The following MTNAP1 variants were observed in gnomAD, a reference collection of about 807,000 sequenced individuals.
MTNAP1 encodes mitochondrial nucleoid associated protein 1.
At chr17:73,248,730 G>C in the MTNAP1 span, 3 of 626,468 alleles carry the variant, frequency 4.8e-6, no homozygotes, top group Non-Finnish European at 8.6e-6. Context: ...TAACTCACAC[G>C]TGGTCTGTGT....
At chr17:73,248,737 G>T in the MTNAP1 span, 2 of 558,192 alleles carry the variant, frequency 3.6e-6, no homozygotes, top group African/African-American at 3.8e-5. Context: ...CACGTGGTCT[G>T]TGTAAGTGGA....
chr17:73,247,318 C>T, the MTNAP1 span: 6 of 1,614,032 alleles, frequency 3.7e-6, no homozygotes, highest in Middle Eastern at 1.6e-4. Flanking sequence ...TGGGGATTGC[C>T]GCTCTAAAAC....
At chr17:73,245,233 C>T in the MTNAP1 span, 4 of 1,611,138 alleles carry the variant, frequency 2.5e-6, no homozygotes, top group South Asian at 1.1e-5. Context: ...CAGCAAAGGG[C>T]GTACAGTGGA....
chr17:73,242,552 T>C, the MTNAP1 span, among the ~76,000 whole-genome samples: 4 of 152,220 alleles, frequency 2.6e-5, no homozygotes, highest in Non-Finnish European at 4.4e-5. Context: ...AGCTACCATT[T>C]ATTCAACAGC....
chr17:73,235,307 G>C, the MTNAP1 span, among the ~76,000 whole-genome samples: 1 of 151,976 alleles, frequency 6.6e-6, no homozygotes, highest in Admixed American at 6.6e-5. Context: ...CGTGTTTAAG[G>C]GTTTTTAAAC....
chr17:73,243,047 C>A, the MTNAP1 span: 4 of 1,402,956 alleles, frequency 2.9e-6, no homozygotes, highest in African/African-American at 1.5e-5. Flanking sequence ...GGTCCCATTC[C>A]GTTATGTGGA....
At chr17:73,247,438 T>A in the MTNAP1 span, 2 of 1,235,794 alleles carry the variant, frequency 1.6e-6, no homozygotes, top group Non-Finnish European at 2.4e-6. Flanking sequence ...CTAAGTGTAG[T>A]GGTAGCATTA....
At chr17:73,245,452 G>A in the MTNAP1 span, 2 of 1,151,604 alleles carry the variant, frequency 1.7e-6, no homozygotes, top group Non-Finnish European at 2.1e-6. Flanking sequence ...AACTAGTTTT[G>A]TTTAACCATA....
chr17:73,243,099 T>C, the MTNAP1 span: 1 of 877,448 alleles, frequency 1.1e-6, no homozygotes, highest in Non-Finnish European at 1.8e-6. Context: ...TTTTTTTTTT[T>C]TTACAGCTTT....
At chr17:73,247,348 C>A in the MTNAP1 span, 3 of 1,614,006 alleles carry the variant, frequency 1.9e-6, no homozygotes, top group Admixed American at 1.7e-5. Flanking sequence ...TTAGGAAGCA[C>A]GTTTAAGTAG....
the MTNAP1 span, among the ~76,000 whole-genome samples, chr17:73,239,977 G>T: frequency 6.6e-6 from 1 of 152,212 alleles, no homozygotes; most frequent in Non-Finnish European, 1.5e-5. Flanking sequence ...GAACCTGGAG[G>T]TATTAACTAC....
At chr17:73,236,911 G>T in the MTNAP1 span, 1 of 1,613,880 alleles carries the variant, frequency 6.2e-7, no homozygotes, top group Non-Finnish European at 8.5e-7. Context: ...TGGACTAGGG[G>T]TGTTGCCAGG....
the MTNAP1 span, chr17:73,248,200 G>A: frequency 5.1e-6 from 2 of 392,592 alleles, no homozygotes; most frequent in Non-Finnish European, 4.7e-6. Context: ...TTCCAATCAT[G>A]TATGTGATCA....
chr17:73,244,016 G>A, the MTNAP1 span, among the ~76,000 whole-genome samples: 19 of 152,184 alleles, frequency 1.2e-4, no homozygotes, highest in East Asian at 1.9e-4. Flanking sequence ...ATGTGTCTAA[G>A]TCTTATTGCT....
At chr17:73,238,933 G>T in the MTNAP1 span, among the ~76,000 whole-genome samples, 2 of 151,680 alleles carry the variant, frequency 1.3e-5, no homozygotes, top group African/African-American at 4.9e-5. Context: ...GTGTGTGTGT[G>T]TGTTTTGTTT....
At chr17:73,243,881 T>G in the MTNAP1 span, among the ~76,000 whole-genome samples, 1 of 152,150 alleles carries the variant, frequency 6.6e-6, no homozygotes, top group Non-Finnish European at 1.5e-5. Context: ...ACCTAAGAAC[T>G]GTTACCCTGC....
the MTNAP1 span, chr17:73,242,383 TGCAGG>T: frequency 6.9e-7 from 1 of 1,450,656 alleles, no homozygotes; most frequent in Non-Finnish European, 9.4e-7. Context: ...TGTCTTCTGT[TGCAGG>T]TTCTGGGCAT....
At chr17:73,241,283 G>A in the MTNAP1 span, among the ~76,000 whole-genome samples, 12 of 152,122 alleles carry the variant, frequency 7.9e-5, no homozygotes, top group Non-Finnish European at 1.3e-4. Flanking sequence ...TCAGTCTCCC[G>A]TGTAGCTGGG....
chr17:73,238,227 A>T, the MTNAP1 span, among the ~76,000 whole-genome samples: 2 of 151,870 alleles, frequency 1.3e-5, no homozygotes, highest in Non-Finnish European at 2.9e-5. Flanking sequence ...GTTAAAATAC[A>T]TAAAGTTTCT....
Sources: gnomAD v4.1 joint callset for allele counts (sites outside exome capture counted in the v4.1 genomes callset) on GRCh38, gnomAD v4.1.1 for gene constraint, MANE v1.5 for transcripts, NCBI Gene and HGNC (gene_info 2026-07-23, HGNC 2026-07-21) for gene names.